The following CDH18 variants were observed in gnomAD, a reference collection of about 807,000 sequenced individuals.
CDH18 encodes the protein cadherin-18.
In CDH18, 31 loss-of-function variants were observed where a neutral mutation model predicts 67.9. The observed-to-expected ratio is 0.46, with a 90% CI of 0.34 to 0.62. CDH18 has a LOEUF of 0.62. CDH18 is among the 20% of genes least tolerant of loss of function. CDH18 has a pLI of 0.01. For synonymous variants in CDH18, 362 were observed against 347.2 expected (o/e 1.04, Z -0.48); for missense variants, 890 against 975.5 (o/e 0.91, Z 1.17).
intron 3 of CDH18, among the ~76,000 whole-genome samples, chr5:19,756,289 T>C (rs1225044726): frequency 6.6e-6 from 1 of 152,326 alleles, no homozygotes; most frequent in South Asian, 2.1e-4. Flanking sequence ...TGTACAAATA[T>C]TTTTAGCAAA....
intron 3 of CDH18, among the ~76,000 whole-genome samples, chr5:19,831,331 C>A (rs892194927): frequency 5.3e-5 from 8 of 151,964 alleles, no homozygotes; most frequent in African/African-American, 1.9e-4. Context: ...AGTAAAGAGA[C>A]AAACTATAGA....
chr5:20,511,313 A>G (rs556079009), intron 1 of CDH18, among the ~76,000 whole-genome samples: 3 of 152,322 alleles, frequency 2.0e-5, no homozygotes, highest in South Asian at 2.1e-4. Flanking sequence ...CCATAAGTGG[A>G]CAAATATACA....
intron 2 of CDH18, among the ~76,000 whole-genome samples, chr5:20,242,716 T>A (rs2940450): frequency 0.7 from 99,955 of 143,698 alleles, 35,478 homozygotes; most frequent in African/African-American, 0.84. Context: ...TATGAAAAGC[T>A]TTTTTTACAG....
chr5:20,213,968 A>G (rs904513557), intron 2 of CDH18, among the ~76,000 whole-genome samples: 1 of 151,930 alleles, frequency 6.6e-6, no homozygotes, highest in Non-Finnish European at 1.5e-5. Context: ...ATATCTAGAA[A>G]ACCTCACAGA....
chr5:19,861,162 G>A (rs1362414553), intron 2 of CDH18, among the ~76,000 whole-genome samples: 1 of 152,156 alleles, frequency 6.6e-6, no homozygotes, highest in East Asian at 1.9e-4. Context: ...ATGCATTTCT[G>A]TACAAACTTG....
intron 1 of CDH18, among the ~76,000 whole-genome samples, chr5:20,451,841 G>C (rs1438296137): frequency 6.6e-6 from 1 of 151,994 alleles, no homozygotes; most frequent in African/African-American, 2.4e-5. Context: ...AAGTTTAACA[G>C]CACCACAAAT....
chr5:20,523,341 G>A (rs917438369), intron 1 of CDH18, among the ~76,000 whole-genome samples: 15 of 152,042 alleles, frequency 9.9e-5, no homozygotes, highest in East Asian at 1.9e-4. Flanking sequence ...GCATGCTTTC[G>A]GGCATTGCTT....
chr5:20,390,584 C>T (rs1403260942), intron 1 of CDH18, among the ~76,000 whole-genome samples: 2 of 152,128 alleles, frequency 1.3e-5, no homozygotes, highest in African/African-American at 2.4e-5. Context: ...CATGGTGATT[C>T]CTCAGGGATC....
At chr5:20,441,792 A>G (rs1669132831) in intron 1 of CDH18, among the ~76,000 whole-genome samples, 1 of 151,892 alleles carries the variant, frequency 6.6e-6, no homozygotes, top group Non-Finnish European at 1.5e-5. Flanking sequence ...AGATCAATAA[A>G]AAAATCCAGA....
chr5:19,746,667 T>A (rs1180147668), intron 4 of CDH18, among the ~76,000 whole-genome samples: 1 of 152,192 alleles, frequency 6.6e-6, no homozygotes, highest in East Asian at 1.9e-4. Context: ...ATTAAGCAAG[T>A]ATTCCACGTG....
At chr5:20,501,046 G>A (rs931584370) in intron 1 of CDH18, among the ~76,000 whole-genome samples, 1 of 152,014 alleles carries the variant, frequency 6.6e-6, no homozygotes, top group Non-Finnish European at 1.5e-5. Context: ...AAAGACTTTG[G>A]AAAATTTTAG....
At chr5:19,652,606 C>T (rs748861667) in intron 5 of CDH18, among the ~76,000 whole-genome samples, 1 of 151,944 alleles carries the variant, frequency 6.6e-6, no homozygotes, top group Non-Finnish European at 1.5e-5. Context: ...ATCAATGCTG[C>T]AAAACAGTTG....
intron 2 of CDH18, among the ~76,000 whole-genome samples, chr5:20,212,062 G>A (rs1961815): frequency 0.7 from 105,754 of 151,930 alleles, 37,433 homozygotes; most frequent in African/African-American, 0.84. Context: ...GCTAACTAGA[G>A]TAAACAGCAT....
chr5:19,855,453 T>C (rs1383519764), intron 2 of CDH18, among the ~76,000 whole-genome samples: 3 of 152,208 alleles, frequency 2.0e-5, no homozygotes, highest in African/African-American at 7.2e-5. Flanking sequence ...GTGCATTGGA[T>C]AGGAAGGAGC....
At chr5:19,664,232 G>A (rs979822343) in intron 5 of CDH18, among the ~76,000 whole-genome samples, 11 of 151,684 alleles carry the variant, frequency 7.3e-5, no homozygotes, top group Admixed American at 1.3e-4. Flanking sequence ...TAATATTCAT[G>A]GACACTCAAC....
intron 2 of CDH18, among the ~76,000 whole-genome samples, chr5:20,229,274 C>T (rs980511922): frequency 6.6e-6 from 1 of 152,062 alleles, no homozygotes; most frequent in African/African-American, 2.4e-5. Flanking sequence ...GCACTGTGTA[C>T]TTCACATTCT....
At chr5:19,987,576 C>T (rs1275151484) in intron 1 of CDH18, among the ~76,000 whole-genome samples, 1 of 151,830 alleles carries the variant, frequency 6.6e-6, no homozygotes, top group African/African-American at 2.4e-5. Flanking sequence ...GAGGCTTGTC[C>T]TGCTGCAGTT....
At chr5:20,074,733 G>GT (rs1554087084) in intron 2 of CDH18, among the ~76,000 whole-genome samples, 1,382 of 57,512 alleles carry the variant, frequency 0.024, 23 homozygotes, top group African/African-American at 0.041. Flanking sequence ...AATAGTTTGG[G>GT]GTTTTTTTTT....
chr5:19,877,604 T>C (rs1031945824), intron 2 of CDH18, among the ~76,000 whole-genome samples: 1 of 152,190 alleles, frequency 6.6e-6, no homozygotes, highest in Non-Finnish European at 1.5e-5. Context: ...GAGACATTTA[T>C]GTTTATAGTA....
Sources: allele counts gnomAD v4.1 joint callset (sites outside exome capture counted in the v4.1 genomes callset), GRCh38; gene constraint gnomAD v4.1.1; transcripts MANE v1.5; gene names NCBI Gene and HGNC (gene_info 2026-07-23, HGNC 2026-07-21).